PHF19: variants seen among roughly 807,000 people sequenced by gnomAD.
PHF19 encodes PHD finger protein 19.
PHF19 carries 21 observed loss-of-function variants against 79.8 expected under a neutral mutation model. That is an observed-to-expected ratio of 0.26 (90% confidence interval 0.19 to 0.38). The LOEUF (loss-of-function observed/expected upper bound fraction) is 0.38. Among genes scored for constraint, PHF19 ranks in the 10% least tolerant of loss-of-function variants. PHF19 has a pLI of 1.00. For missense variants in PHF19, 445 were observed against 744.2 expected (o/e 0.60, Z 4.68); for synonymous variants, 273 against 296.3 (o/e 0.92, Z 0.81).
Position 120,866,013 on chromosome 9 carries a change from G to A in PHF19, c.779+15C>T. 1.2e-6 allele frequency: 2 copies of A among 1,607,526 alleles called. No individual in the cohort carries two copies. The highest frequency in any genetic ancestry group is 1.7e-6 in the Non-Finnish European group (2 of 1,174,278). On this transcript the variant is annotated intron_variant, in intron 8 of 14. Coordinates refer to ENST00000373896, the MANE Select transcript of PHF19 (RefSeq NM_015651.3). The surrounding 1 kb of genome is among the most constrained non-coding windows in gnomAD (Gnocchi z 5.2). ...GGAGGAGCAGCGGTGGTTGGACTAA[G>A]CCCCACCCTCTCACCATCGCAGGGG...
upstream of PHF19, among the ~76,000 whole-genome samples, chr9:120,899,213 A>T (rs1168889304): frequency 1.4e-5 from 2 of 144,402 alleles, no homozygotes; most frequent in Non-Finnish European, 3.0e-5. Context: ...AAAAAAAAAA[A>T]AAAGGCCAGG....
chr9:120,861,233 A>G (rs1449211549), intron 12 of PHF19, 59 bp from the exon 13 acceptor site: 1 of 970,760 alleles, frequency 1.0e-6, no homozygotes, highest in East Asian at 2.4e-5. Context: ...TCCACCTCCC[A>G]CACAGGCTGC....
At chr9:120,865,560 G>A (rs923058377) in intron 9 of PHF19, 150 bp downstream of exon 9, 1 of 940,782 alleles carries the variant, frequency 1.1e-6, no homozygotes, top group East Asian at 2.6e-5. Flanking sequence ...GATTAGGAAG[G>A]CCCTTAAAGG....
At chr9:120,894,949 C>A (rs1459213950), upstream of PHF19, 2 of 437,432 alleles carry the variant, frequency 4.6e-6, no homozygotes, top group African/African-American at 2.1e-5. Context: ...AGTCCGCCAG[C>A]CTCGGCTCCA....
rs1231679535 is a variant in PHF19, at chr9:120,865,890, A to G, written c.780-60T>C. 1.9e-6 allele frequency: 3 copies of G among 1,612,094 alleles called. No individual in the cohort carries two copies. In the Admixed American group the frequency reaches 5.0e-5, roughly 27 times the overall value. ...GGTGGCAGCCTGCTCAGCCAGGGTC[A>G]CAGCTTTCTGGGTCCAGGCTGAGAG... On this transcript the variant is annotated intron_variant, in intron 8 of 14. Coordinates refer to ENST00000373896, the MANE Select transcript of PHF19 (RefSeq NM_015651.3).
At chr9:120,864,539 C>A (rs1648948893) in intron 9 of PHF19, among the ~76,000 whole-genome samples, 1 of 151,952 alleles carries the variant, frequency 6.6e-6, no homozygotes, top group Admixed American at 6.6e-5. Context: ...CCAATGCAGC[C>A]ATGAAATTTG....
At chr9:120,889,936 C>G (rs1414649258) in intron 1 of PHF19, among the ~76,000 whole-genome samples, 1 of 152,224 alleles carries the variant, frequency 6.6e-6, no homozygotes, top group Non-Finnish European at 1.5e-5. Flanking sequence ...CTTGGACAAC[C>G]TAAGGTCAGG....
intron 3 of PHF19, among the ~76,000 whole-genome samples, chr9:120,871,578 T>TGA (rs1165119115): frequency 4.0e-4 from 61 of 152,352 alleles, no homozygotes; most frequent in African/African-American, 1.3e-3. Context: ...TTAAAATTGC[T>TGA]TTTAGTCTAC....
chr9:120,881,508 GCAAGTATGAC>G (rs1403861522), upstream of PHF19, among the ~76,000 whole-genome samples: 8 of 152,122 alleles, frequency 5.3e-5, no homozygotes, highest in Non-Finnish European at 1.0e-4. Context: ...AAAATCTGAG[GCAAGTATGAC>G]CAAGTGTCAA....
At chr9:120,859,667 G>A (rs546869780) in intron 14 of PHF19, among the ~76,000 whole-genome samples, 9 of 152,196 alleles carry the variant, frequency 5.9e-5, no homozygotes, top group East Asian at 3.9e-4. Flanking sequence ...TAGAGACCCC[G>A]GAAGACAGGC....
Position 120,862,906 on chromosome 9 carries a change from A to T in PHF19, c.969-157T>A, listed in dbSNP as rs2045576844. 7 of 667,310 alleles carry T rather than the reference A, an allele frequency of 1.0e-5. No homozygotes were observed. In the East Asian group the frequency reaches 1.9e-4, roughly 18 times the overall value. 41.3% of individuals were successfully genotyped at this position (667,310 alleles called of 1,614,324 possible). A position where few individuals can be genotyped will look rare whatever the true frequency, so the allele number is the denominator to read the frequency against. ...TGCTGACTTCCTCAAAGCCCATGGG[A>T]TGCGGGGTTCCAGGTAGCAGCTGAG... On this transcript the variant is annotated intron_variant, in intron 10 of 14. Transcript: ENST00000373896. This position sits in a 1 kb window ranked among gnomAD's most constrained non-coding sequence, Gnocchi z 4.6.
At chr9:120,903,031 T>A in the PHF19 span, 4 of 152,204 alleles carry the variant, frequency 2.6e-5, no homozygotes, top group African/African-American at 9.7e-5. Context: ...AATCCCCCCT[T>A]GGGCTCAACA....
the PHF19 span, among the ~76,000 whole-genome samples, chr9:120,901,591 T>A: frequency 1.3e-5 from 2 of 152,174 alleles, no homozygotes; most frequent in Non-Finnish European, 2.9e-5. Flanking sequence ...AAAAGAGGAT[T>A]AAAGGGTGCT....
chr9:120,864,455 G>A (rs2131508174), intron 9 of PHF19, among the ~76,000 whole-genome samples: 1 of 152,270 alleles, frequency 6.6e-6, no homozygotes, highest in Non-Finnish European at 1.5e-5. Context: ...AAAAATGGTG[G>A]CATTGTTTCT....
intron 3 of PHF19, among the ~76,000 whole-genome samples, chr9:120,872,033 GTC>G (rs2045910786): frequency 1.7e-5 from 1 of 58,160 alleles, no homozygotes; most frequent in Non-Finnish European, 3.0e-5. Context: ...GCAAGACTCT[GTC>G]TCAAAAAAAA....
intron 14 of PHF19, among the ~76,000 whole-genome samples, chr9:120,858,811 TCA>T (rs56042039): frequency 0.063 from 7,714 of 122,758 alleles, 275 homozygotes; most frequent in Middle Eastern, 0.08. Flanking sequence ...CTGACAGACA[TCA>T]CACACACACA....
chr9:120,878,667 C>T (rs1007186578), upstream of PHF19, among the ~76,000 whole-genome samples: 2 of 152,156 alleles, frequency 1.3e-5, no homozygotes, highest in Non-Finnish European at 2.9e-5. Context: ...TTCCTTCTGC[C>T]CCTTGATCCC....
chr9:120,871,582 A>G (rs1025813281), intron 3 of PHF19, among the ~76,000 whole-genome samples: 1 of 152,084 alleles, frequency 6.6e-6, no homozygotes, highest in Non-Finnish European at 1.5e-5. Context: ...AATTGCTTTT[A>G]GTCTACAGGT....
At chr9:120,882,868 C>G (rs923541089) in intron 1 of PHF19, among the ~76,000 whole-genome samples, 4 of 146,716 alleles carry the variant, frequency 2.7e-5, no homozygotes, top group African/African-American at 1.0e-4. Context: ...AAGAAAGAAA[C>G]TGCTCTACAC....
Sources: allele counts gnomAD v4.1 joint callset (sites outside exome capture counted in the v4.1 genomes callset), GRCh38; gene constraint gnomAD v4.1.1; non-coding constraint Gnocchi (gnomAD v3.1); transcripts MANE v1.5; gene names NCBI Gene and HGNC (gene_info 2026-07-23, HGNC 2026-07-21).